The following IPO13 variants were observed in gnomAD, a reference collection of about 807,000 sequenced individuals.
IPO13 encodes the protein importin 13.
A neutral mutation model predicts 115.5 loss-of-function variants in IPO13; 28 were observed. The observed-to-expected ratio is 0.24, with a 90% CI of 0.18 to 0.33. IPO13 has a LOEUF of 0.33. IPO13 is among the 10% of genes least tolerant of loss of function. IPO13 has a pLI of 1.00. For synonymous variants in IPO13, 414 were observed against 478.9 expected (o/e 0.86, Z 1.77); for missense variants, 785 against 1,204.6 (o/e 0.65, Z 5.16).
intron 15 of IPO13, among the ~76,000 whole-genome samples, chr1:43,965,331 T>C (rs1034329844): frequency 2.0e-5 from 3 of 152,134 alleles, no homozygotes; most frequent in Admixed American, 6.5e-5. Flanking sequence ...GAGTGTGTGA[T>C]ACATGCTGTA....
At position 43,958,247 on chromosome 1, in the gene IPO13, G is replaced by C. The variant is rs771298217; in HGVS notation, c.1728G>C (p.Val576=). 1.2e-6 allele frequency: 2 copies of C among 1,614,182 alleles called. No individual in the cohort carries two copies. The highest frequency in any genetic ancestry group is 2.2e-5 in the South Asian group (2 of 91,080). Reference sequence around the variant, plus strand: ...TTCCTTCTTTCTCCCCTCAGGATGTGCTGATGAAACAGATCCACAAGGTGC... The same window carrying C: ...TTCCTTCTTTCTCCCCTCAGGATGTCCTGATGAAACAGATCCACAAGGTGC... ...AANIVAVSQD[V]LMKQIHKTSQ... Residue 576 remains valine (V), a synonymous_variant, in exon 9 of 20, where the codon GTG becomes GTC. Transcript: ENST00000372343. The surrounding 1 kb of genome is among the most constrained non-coding windows in gnomAD (Gnocchi z 6.3).
chr1:43,966,584 C>T lies in IPO13; in HGVS notation c.2407C>T (p.Arg803Trp), dbSNP rs2085326478. The change falls in exon 16 of 20, where the codon CGG (arginine) becomes TGG (tryptophan). Residue 803 changes from arginine (R) to tryptophan (W), a missense_variant. Transcript: ENST00000372343. This position sits in a 1 kb window ranked among gnomAD's most constrained non-coding sequence, Gnocchi z 4.1. Reference sequence around the variant, plus strand: ...GCTCCACCTCCTGCAGGCTCTGAAGCGGAAGCCAGATTTGTTCCTGTGTGA... The same window carrying T: ...GCTCCACCTCCTGCAGGCTCTGAAGTGGAAGCCAGATTTGTTCCTGTGTGA... ...FMQLLAQALK[R>W]KPDLFLCERL... 1 of 1,614,046 alleles carries T rather than the reference C, an allele frequency of 6.2e-7. No homozygotes were observed. Among genetic ancestry groups the T allele is most frequent in the Non-Finnish European group, 8.5e-7 (1 of 1,179,986 alleles).
chr1:43,953,939 C>CT (rs1023907717), intron 2 of IPO13, among the ~76,000 whole-genome samples: 1 of 152,202 alleles, frequency 6.6e-6, no homozygotes, highest in African/African-American at 2.4e-5. Context: ...GATTCTGCTT[C>CT]TAAGTTGTTG....
rs765975809 is a variant in IPO13, at chr1:43,956,966, C to T, written c.1261C>T (p.Arg421Ter). 3 of 1,614,008 alleles carry T rather than the reference C, an allele frequency of 1.9e-6. No homozygotes were observed. Among genetic ancestry groups the T allele is most frequent in the East Asian group, 2.2e-5 (1 of 44,886 alleles). The change falls in exon 5 of 20, where the codon CGA becomes TGA. Residue 421 changes from arginine to a stop codon, truncating the protein, a stop_gained. Transcript: ENST00000372343. LOFTEE classifies it high-confidence loss of function. The surrounding 1 kb of genome is among the most constrained non-coding windows in gnomAD (Gnocchi z 4.7). The part of the protein sequence containing the change: ...FWSSDEKEQF[R>*]IYRVDISDTL... ...GTCCTCAGACGAGAAGGAGCAGTTCCGAATTTACAGGTGATGGTAGCAGGC... is the reference window on the plus strand; with the variant it reads ...GTCCTCAGACGAGAAGGAGCAGTTCTGAATTTACAGGTGATGGTAGCAGGC...
At chr1:43,955,770 T>C (rs2085243036) in intron 2 of IPO13, among the ~76,000 whole-genome samples, 1 of 152,214 alleles carries the variant, frequency 6.6e-6, no homozygotes, top group Non-Finnish European at 1.5e-5. Flanking sequence ...AAAATGTATC[T>C]TTTTGTGGGG....
Position 43,960,858 on chromosome 1 carries a change from C to G in IPO13, c.2110-18C>G, listed in dbSNP as rs747916790. 1.2e-5 allele frequency: 20 copies of G among 1,613,648 alleles called. No individual in the cohort carries two copies. On this transcript the variant is annotated intron_variant, in intron 12 of 19. Transcript: ENST00000372343. ...AGTCATGACCTGCTGACCAGGGCCC[C>G]TTTGCTTTCTTCCCAAGGCGGTGTG...
At chr1:43,964,177 C>T (rs2085307401) in intron 14 of IPO13, 92 bp from the exon 15 acceptor site, 24 of 827,818 alleles carry the variant, frequency 2.9e-5, no homozygotes, top group Middle Eastern at 2.9e-4. Context: ...CCCACGCTGT[C>T]TCCCTGCAGG....
rs76673447 is a variant in IPO13 at position 43,963,303 on chromosome 1, A to G, written c.2345-966A>G. 4.8e-3 allele frequency among the ~76,000 whole-genome samples: 732 copies of G among 152,300 alleles called. 5 individuals carry two copies. Among genetic ancestry groups the G allele is most frequent in the African/African-American group, 0.017 (692 of 41,572 alleles). The stretch of plus-strand genomic sequence containing the variant: ...CAGGTGCATGCCATATTCTTGCCTC[A>G]GGAATGATCAGAACTGGAGGCAGCA... On this transcript the variant is annotated intron_variant, in intron 14 of 19. Transcript: ENST00000372343.
At chr1:43,957,901 CTG>C in intron 7 of IPO13, 74 bp from the exon 8 acceptor site, 2 of 1,431,850 alleles carry the variant, frequency 1.4e-6, no homozygotes, top group Non-Finnish European at 1.9e-6. Context: ...GCCAGGAACT[CTG>C]CTTGCCTCAG....
chr1:43,960,980 C>T lies in IPO13; in HGVS notation c.2214C>T (p.Ile738=), dbSNP rs2085285462. 6.2e-7 allele frequency: 1 copy of T among 1,614,208 alleles called. No homozygotes were observed. Among genetic ancestry groups the T allele is most frequent in the Non-Finnish European group, 8.5e-7 (1 of 1,180,042 alleles). ...TGCTGGGTCGGATGTACAGCACCAT[C>T]CCCCAGGCCTCTGCTCTTGACCTCA... The part of the protein sequence containing the change: ...CEMLGRMYST[I]PQASALDLTR... Residue 738 remains isoleucine, a synonymous_variant, in exon 13 of 20, where the codon ATC becomes ATT. Transcript: ENST00000372343.
intron 14 of IPO13, among the ~76,000 whole-genome samples, chr1:43,962,243 A>G (rs114796199): frequency 0.011 from 1,598 of 151,982 alleles, 25 homozygotes; most frequent in African/African-American, 0.037. Context: ...CCTGTACCCA[A>G]TCTGGGACAA....
At chr1:43,957,132 G>T in intron 5 of IPO13, 63 bp from the exon 6 acceptor site, 1 of 1,591,660 alleles carries the variant, frequency 6.3e-7, no homozygotes, top group Non-Finnish European at 8.6e-7. Flanking sequence ...AGGCTCCTGG[G>T]CTTGGGGGCA....
Position 43,956,918 on chromosome 1 carries a change from T to A in IPO13, c.1213T>A (p.Ser405Thr), listed in dbSNP as rs768305832. 2 of 1,614,262 alleles carry A rather than the reference T, an allele frequency of 1.2e-6. No individual in the cohort carries two copies. The highest frequency in any genetic ancestry group is 1.7e-6 in the Non-Finnish European group (2 of 1,180,044). The change falls in exon 5 of 20, where the codon TCT becomes ACT. Residue 405 changes from serine to threonine, a missense_variant. Physicochemically the swap from Ser to Thr is moderately conservative, Grantham distance 58 (BLOSUM62 1). Transcript: ENST00000372343. This position sits in a 1 kb window ranked among gnomAD's most constrained non-coding sequence, Gnocchi z 4.7. ...GCTTCTGCACAAGGCCCAGTTCCCT[T>A]CTGATGAGGAATATGGATTCTGGTC... Reference protein sequence around the residue: ...DVLLHKAQFPSDEEYGFWSSD... With the variant: ...DVLLHKAQFPTDEEYGFWSSD...
Position 43,966,575 on chromosome 1 carries a change from G to A in IPO13, c.2398G>A (p.Ala800Thr), listed in dbSNP as rs2085326384. 6.2e-7 allele frequency: 1 copy of A among 1,614,094 alleles called. No individual in the cohort carries two copies. The highest frequency in any genetic ancestry group is 8.5e-7 in the Non-Finnish European group (1 of 1,179,996). The change falls in exon 16 of 20, where the codon GCT becomes ACT. Residue 800 changes from alanine to threonine, a missense_variant and splice_region_variant. Ala to Thr is a moderately conservative substitution (Grantham distance 58). This residue lies in a region of IPO13 where 285 missense variants were observed against 394.8 expected (regional missense o/e 0.72). Transcript: ENST00000372343. The surrounding 1 kb of genome is among the most constrained non-coding windows in gnomAD (Gnocchi z 4.1). ...VDSFMQLLAQ[A>T]LKRKPDLFLC... is the part of the protein sequence containing the mutation. ...GGCTTACCAGCTCCACCTCCTGCAG[G>A]CTCTGAAGCGGAAGCCAGATTTGTT...
chr1:43,968,018 A>G lies in IPO13; in HGVS notation c.*336A>G, dbSNP rs543126183. On this transcript the variant is annotated 3_prime_UTR_variant, in exon 20 of 20. Transcript: ENST00000372343. ...CCATCCCCATTAAATTAATCCCAAC[A>G]TGCATGTATGCATACATTTATTTAA... 4.9e-5 allele frequency: 19 copies of G among 391,540 alleles called. No individual in the cohort carries two copies. The highest frequency in any genetic ancestry group is 7.1e-5 in the Non-Finnish European group (15 of 211,024). 24.3% of individuals were successfully genotyped at this position (391,540 alleles called of 1,614,324 possible).
In IPO13 at chr1:43,967,699, A is replaced by G; in HGVS notation, c.*17A>G. 6.2e-7 allele frequency: 1 copy of G among 1,605,898 alleles called. No homozygotes were observed. Among genetic ancestry groups the G allele is most frequent in the Non-Finnish European group, 8.5e-7 (1 of 1,172,654 alleles). Reference sequence around the variant, plus strand: ...GACTACTGAGGGGTGCCCCCATCCCATCCACCCCTTCTCTTCATCCTTCCC... The same window carrying G: ...GACTACTGAGGGGTGCCCCCATCCCGTCCACCCCTTCTCTTCATCCTTCCC... On this transcript the variant is annotated 3_prime_UTR_variant, in exon 20 of 20. Coordinates refer to ENST00000372343, the MANE Select transcript of IPO13 (RefSeq NM_014652.4). This position sits in a 1 kb window ranked among gnomAD's most constrained non-coding sequence, Gnocchi z 6.1.
In IPO13 at chr1:43,947,595, G is replaced by A; in HGVS notation, c.-6G>A. 3 of 1,309,006 alleles carry A rather than the reference G, an allele frequency of 2.3e-6. No homozygotes were observed. Among genetic ancestry groups the A allele is most frequent in the South Asian group, 2.3e-5 (1 of 43,038 alleles). 81.1% of individuals were successfully genotyped at this position (1,309,006 alleles called of 1,614,324 possible). Reference sequence around the variant, plus strand: ...GGCCCACCTCCCTGCCAGGGAGGGAGCAAAGATGGAGCGGCGGGAGGAGCA... The same window carrying A: ...GGCCCACCTCCCTGCCAGGGAGGGAACAAAGATGGAGCGGCGGGAGGAGCA... On this transcript the variant is annotated 5_prime_UTR_variant, in exon 1 of 20. Coordinates refer to ENST00000372343, the MANE Select transcript of IPO13 (RefSeq NM_014652.4).
intron 1 of IPO13, among the ~76,000 whole-genome samples, chr1:43,948,342 C>G (rs999488316): frequency 6.6e-6 from 1 of 152,242 alleles, no homozygotes; most frequent in Non-Finnish European, 1.5e-5. Flanking sequence ...TTCTGAACTG[C>G]CTCTTTGGTT....
chr1:43,962,270 C>T (rs1444461640), intron 14 of IPO13, among the ~76,000 whole-genome samples: 1 of 152,194 alleles, frequency 6.6e-6, no homozygotes, highest in African/African-American at 2.4e-5. Flanking sequence ...TTGATCCTGA[C>T]TCCTGATTCT....
Sources: gnomAD v4.1 joint callset for allele counts (sites outside exome capture counted in the v4.1 genomes callset) on GRCh38, gnomAD v4.1.1 for gene constraint, gnomAD v4.1.1 regional missense constraint, Gnocchi (gnomAD v3.1) non-coding constraint, MANE v1.5 for transcripts, NCBI Gene and HGNC (gene_info 2026-07-23, HGNC 2026-07-21) for gene names.